Variants in NWD1 observed in about 807,000 individuals in gnomAD.
NWD1 encodes NACHT and WD repeat domain containing 1.
A neutral mutation model predicts 135.1 loss-of-function variants in NWD1; 129 were observed. That is an observed-to-expected ratio of 0.96 (90% CI 0.83 to 1.11). The LOEUF (loss-of-function observed/expected upper bound fraction) is 1.11, where lower values mean the gene tolerates loss of function less well. Among genes scored for constraint, NWD1 ranks in the 50% least tolerant of loss-of-function variants. The probability of loss-of-function intolerance (pLI) is 0.00; values close to 1 mark genes in which losing one functional copy is unlikely to be tolerated. For missense variants in NWD1, 1,740 were observed against 1,851.3 expected, an observed-to-expected ratio of 0.94 and a Z score of 1.10; for synonymous variants, 773 against 786.0, an observed-to-expected ratio of 0.98 and a Z score of 0.28.
chr19:16,720,878 C>A (rs972662293), intron 1 of NWD1, among the ~76,000 whole-genome samples: 7 of 151,542 alleles, frequency 4.6e-5, no homozygotes, highest in Non-Finnish European at 7.4e-5. Flanking sequence ...TGAGATGGAG[C>A]CTTGCTCTGT....
intron 10 of NWD1, 85 bp from the exon 11 acceptor site, chr19:16,773,041 C>T (rs542174856): frequency 2.7e-6 from 3 of 1,111,500 alleles, no homozygotes; most frequent in Non-Finnish European, 4.1e-6. Context: ...TGTTCTGGAG[C>T]CCCTGCAGGG....
intron 13 of NWD1, among the ~76,000 whole-genome samples, chr19:16,789,740 T>TG (rs1487887208): frequency 3.6e-5 from 5 of 139,012 alleles, no homozygotes. Flanking sequence ...TTTTTTGAGA[T>TG]GGAGTCCTGC....
intron 18 of NWD1, among the ~76,000 whole-genome samples, chr19:16,812,194 G>T (rs1191502039): frequency 1.3e-5 from 2 of 151,730 alleles, no homozygotes; most frequent in African/African-American, 4.9e-5. Flanking sequence ...TGTAATCCCT[G>T]CTACTTGAGA....
At chr19:16,743,913 C>T (rs576749209) in intron 4 of NWD1, among the ~76,000 whole-genome samples, 20 of 151,122 alleles carry the variant, frequency 1.3e-4, no homozygotes, top group African/African-American at 4.9e-4. Context: ...GAACTCCTGA[C>T]CTCAGGTAAT....
intron 18 of NWD1, among the ~76,000 whole-genome samples, chr19:16,809,634 AAGCTCT>A (rs1427405584): frequency 6.8e-6 from 1 of 146,934 alleles, no homozygotes; most frequent in Non-Finnish European, 1.5e-5. Flanking sequence ...GGCTCACTAC[AAGCTCT>A]GCCTCCCGGG....
chr19:16,759,246 G>A lies in NWD1; in HGVS notation c.1791G>A (p.Glu597=). The change falls in exon 7 of 19, where the codon GAG becomes GAA. Residue 597 remains glutamate, a synonymous_variant. Coordinates refer to ENST00000524140, the MANE Select transcript of NWD1 (RefSeq NM_001007525.5). Reference sequence around the variant, plus strand: ...TCAGACACGGTCTCTCGGAGGCGGAGCTGAAGGATGTTTTGTCCCTGGACG... The same window carrying A: ...TCAGACACGGTCTCTCGGAGGCGGAACTGAAGGATGTTTTGTCCCTGGACG... ...VSSRHGLSEA[E]LKDVLSLDDE... 1 of 1,614,078 alleles carries A rather than the reference G, an allele frequency of 6.2e-7. No homozygotes were observed.
rs780407394 is a variant in NWD1 at position 16,807,651 on chromosome 19, A to G, written c.3802A>G (p.Lys1268Glu). The change falls in exon 18 of 19, where the codon AAG becomes GAG. Residue 1268 changes from lysine (K) to glutamate (E), a missense_variant. Lys to Glu is a moderately conservative substitution (Grantham distance 56). Transcript: ENST00000524140. The stretch of plus-strand genomic sequence containing the variant: ...GTGTCTGGAGGTTGCTGAGCAGCGC[A>G]AGCTCCTATTTACGGGCCTCGTGTC... The part of the protein sequence containing the change: ...IRCLEVAEQR[K>E]LLFTGLVSGV... The G allele has an allele frequency of 6.3e-7, 1 of 1,591,856 alleles. No individual in the cohort carries two copies. Among genetic ancestry groups the G allele is most frequent in the African/African-American group, 1.4e-5 (1 of 73,964 alleles).
rs767040114 is a variant in NWD1 at position 16,749,377 on chromosome 19, G to A, written c.735G>A (p.Pro245=). 25 of 1,613,620 alleles carry A rather than the reference G, an allele frequency of 1.5e-5. No homozygotes were observed. The highest frequency in any genetic ancestry group is 1.1e-4 in the African/African-American group (8 of 74,884). The change falls in exon 6 of 19, where the codon CCG becomes CCA. Residue 245 remains proline (P), a synonymous_variant. Coordinates refer to ENST00000524140, the MANE Select transcript of NWD1 (RefSeq NM_001007525.5). ...GGGTCCTCAAGACCCACCGCCTGCC[G>A]TGGAGCCGCGACTTGGTGAACCCCA... ...HPGVLKTHRL[P]WSRDLVNPKN...
At chr19:16,768,835 A>T (rs1008881353) in intron 10 of NWD1, among the ~76,000 whole-genome samples, 1 of 152,210 alleles carries the variant, frequency 6.6e-6, no homozygotes, top group Non-Finnish European at 1.5e-5. Context: ...AAAAAGGATG[A>T]CCAGTGGCCT....
intron 17 of NWD1, among the ~76,000 whole-genome samples, chr19:16,803,396 G>C (rs890082896): frequency 2.0e-5 from 3 of 152,058 alleles, no homozygotes; most frequent in Non-Finnish European, 4.4e-5. Flanking sequence ...ATAGGAATTT[G>C]GTGGGGGGGT....
At chr19:16,764,348 C>T (rs1457227282) in intron 9 of NWD1, among the ~76,000 whole-genome samples, 1 of 150,896 alleles carries the variant, frequency 6.6e-6, no homozygotes, top group African/African-American at 2.4e-5. Context: ...ATCCATCCAT[C>T]CACCCATCTT....
chr19:16,771,321 A>C, intron 10 of NWD1, among the ~76,000 whole-genome samples: 1 of 152,084 alleles, frequency 6.6e-6, no homozygotes, highest in East Asian at 1.9e-4. Context: ...GTGGTGGTGC[A>C]TGCCTGTAAT....
At chr19:16,747,242 G>T (rs942698373) in intron 5 of NWD1, among the ~76,000 whole-genome samples, 4 of 151,682 alleles carry the variant, frequency 2.6e-5, no homozygotes, top group Admixed American at 6.6e-5. Flanking sequence ...TCCCCATGTT[G>T]CTCAGGCTGG....
At chr19:16,778,835 A>G (rs1969754464) in intron 11 of NWD1, among the ~76,000 whole-genome samples, 2 of 152,048 alleles carry the variant, frequency 1.3e-5, no homozygotes. Flanking sequence ...GTGCCCGGCC[A>G]TGGCCAATGT....
In NWD1 at chr19:16,736,674, C is replaced by A; in HGVS notation, c.122C>A (p.Thr41Asn). ...LRWGIRNIEA[T>N]DHLTTELCLE... ...TGGGGTATTCGGAACATTGAAGCCACTGACCACTTGACCACAGAACTCTGC... is the reference window on the plus strand; with the variant it reads ...TGGGGTATTCGGAACATTGAAGCCAATGACCACTTGACCACAGAACTCTGC... The change falls in exon 4 of 19, where the codon ACT becomes AAT. Residue 41 changes from threonine to asparagine, a missense_variant. Transcript: ENST00000524140. 1 of 1,536,198 alleles carries A rather than the reference C, an allele frequency of 6.5e-7. No individual in the cohort carries two copies. Among genetic ancestry groups the A allele is most frequent in the Admixed American group, 2.0e-5 (1 of 50,976 alleles).
At chr19:16,791,272 C>T (rs1055089331) in intron 13 of NWD1, 78 bp from the exon 14 acceptor site, 66 of 1,237,200 alleles carry the variant, frequency 5.3e-5, no homozygotes, top group Non-Finnish European at 6.1e-5. Flanking sequence ...CAAGAGAAGG[C>T]ATCTTGCATT....
chr19:16,720,985 G>A (rs1246988476), intron 1 of NWD1, among the ~76,000 whole-genome samples: 1 of 152,030 alleles, frequency 6.6e-6, no homozygotes, highest in Non-Finnish European at 1.5e-5. Flanking sequence ...CGAGTAGCTG[G>A]GATTACAGGT....
At chr19:16,730,970 G>T (rs1359745155) in intron 2 of NWD1, among the ~76,000 whole-genome samples, 1 of 145,306 alleles carries the variant, frequency 6.9e-6, no homozygotes, top group African/African-American at 2.6e-5. Flanking sequence ...CAGGCCAGGC[G>T]CAGTGGCTCA....
intron 6 of NWD1, among the ~76,000 whole-genome samples, chr19:16,753,588 A>C (rs895940028): frequency 2.6e-5 from 4 of 152,090 alleles, no homozygotes; most frequent in Admixed American, 1.3e-4. Context: ...GACACTAGAC[A>C]GTGTGTCTGG....
Sources: gnomAD v4.1 joint callset for allele counts (sites outside exome capture counted in the v4.1 genomes callset) on GRCh38, gnomAD v4.1.1 for gene constraint, MANE v1.5 for transcripts, NCBI Gene and HGNC (gene_info 2026-07-23, HGNC 2026-07-21) for gene names.